The following FHIT variants were observed in gnomAD, a reference collection of about 807,000 sequenced individuals.
The protein encoded by FHIT is bis(5'-adenosyl)-triphosphatase.
In FHIT, 19 loss-of-function variants were observed where a neutral mutation model predicts 17.9. The observed-to-expected ratio is 1.06, with a 90% CI of 0.74 to 1.56. The LOEUF (loss-of-function observed/expected upper bound fraction) is 1.56. Ranked by LOEUF, FHIT falls within the 40% of genes most tolerant of loss-of-function variation. The pLI is 0.00. For missense variants in FHIT, 248 were observed against 189.2 expected (o/e 1.31, Z -1.82); for synonymous variants, 81 against 69.7 (o/e 1.16, Z -0.81).
chr3:61,178,665 TA>T (rs1351503932), intron 2 of FHIT, among the ~76,000 whole-genome samples: 1 of 151,980 alleles, frequency 6.6e-6, no homozygotes, highest in African/African-American at 2.4e-5. Flanking sequence ...TAGTCAATTA[TA>T]AAAAATTGTC....
At chr3:60,077,719 C>CATAT (rs1392081962) in intron 5 of FHIT, among the ~76,000 whole-genome samples, 36 of 102,686 alleles carry the variant, frequency 3.5e-4, no homozygotes, top group South Asian at 2.1e-3. Context: ...CACACACACA[C>CATAT]ACACACACAC....
chr3:60,289,984 T>C (rs1019068225), intron 5 of FHIT, among the ~76,000 whole-genome samples: 4 of 152,196 alleles, frequency 2.6e-5, no homozygotes, highest in African/African-American at 9.6e-5. Flanking sequence ...ATAGTTCATG[T>C]GTAATCATGT....
chr3:60,228,220 G>A (rs573992526), intron 5 of FHIT, among the ~76,000 whole-genome samples: 1 of 152,144 alleles, frequency 6.6e-6, no homozygotes, highest in African/African-American at 2.4e-5. Context: ...CTGACATACT[G>A]TATGATCCCA....
rs112123229 is a variant in FHIT, at chr3:60,151,016, A to G, written c.104-136864T>C. On this transcript the variant is annotated intron_variant, in intron 5 of 9. Coordinates refer to ENST00000492590, the MANE Select transcript of FHIT (RefSeq NM_002012.4). Reference sequence around the variant, plus strand: ...CCCCAACAAGTCATAATATGCTTATATGGCAATATCACATTGTTTGTGTGA... The same window carrying G: ...CCCCAACAAGTCATAATATGCTTATGTGGCAATATCACATTGTTTGTGTGA... 2.2e-3 allele frequency among the ~76,000 whole-genome samples: 328 copies of G among 152,312 alleles called. 2 individuals are homozygous for G. Among genetic ancestry groups the G allele is most frequent in the African/African-American group, 7.4e-3 (309 of 41,580 alleles).
chr3:60,314,762 G>C (rs967270867), intron 5 of FHIT, among the ~76,000 whole-genome samples: 2 of 152,092 alleles, frequency 1.3e-5, no homozygotes, highest in Non-Finnish European at 2.9e-5. Flanking sequence ...CCCTGAGTAA[G>C]GTGGGGCCAC....
At chr3:61,167,330 T>C (rs1313696300) in intron 2 of FHIT, among the ~76,000 whole-genome samples, 1 of 151,714 alleles carries the variant, frequency 6.6e-6, no homozygotes, top group African/African-American at 2.4e-5. Flanking sequence ...AAAACTTGCA[T>C]ATACAGACGT....
At chr3:60,892,914 G>A (rs1489415420) in intron 3 of FHIT, among the ~76,000 whole-genome samples, 1 of 152,166 alleles carries the variant, frequency 6.6e-6, no homozygotes. Context: ...TAACTGCATA[G>A]TGGAGTTACC....
intron 4 of FHIT, among the ~76,000 whole-genome samples, chr3:60,644,953 T>G (rs2039819152): frequency 6.6e-6 from 1 of 152,196 alleles, no homozygotes; most frequent in Admixed American, 6.5e-5. Context: ...TCTCTGGGCC[T>G]GGCAGATAGT....
intron 4 of FHIT, among the ~76,000 whole-genome samples, chr3:60,796,013 G>A (rs9849480): frequency 0.025 from 3,801 of 152,222 alleles, 159 homozygotes; most frequent in African/African-American, 0.085. Flanking sequence ...GGAGGTGAAA[G>A]GCACTTCTTA....
At chr3:60,004,358 C>A (rs1422783697) in intron 7 of FHIT, among the ~76,000 whole-genome samples, 1 of 152,108 alleles carries the variant, frequency 6.6e-6, no homozygotes, top group Non-Finnish European at 1.5e-5. Flanking sequence ...TGCTATATGT[C>A]AGGGCCTCTA....
intron 7 of FHIT, among the ~76,000 whole-genome samples, chr3:59,942,900 C>T (rs1231815143): frequency 2.0e-5 from 3 of 152,080 alleles, no homozygotes; most frequent in African/African-American, 4.8e-5. Context: ...CCTCCCACCT[C>T]GGCCTCCCAA....
rs548016868 is a variant in FHIT, at chr3:59,895,313, G to A, written c.348+27033C>T. Among the ~76,000 whole-genome samples the A allele has an allele frequency of 2.5e-3, 374 of 152,336 alleles. 4 individuals carry two copies. Among genetic ancestry groups the A allele is most frequent in the African/African-American group, 8.6e-3 (357 of 41,582 alleles). The stretch of plus-strand genomic sequence containing the variant: ...AAGTAGGAATCATTGTATCTTCAGT[G>A]CCTAGCACAGTTCCCAGTACTTAGC... On this transcript the variant is annotated intron_variant, in intron 8 of 9. Coordinates refer to ENST00000492590, the MANE Select transcript of FHIT (RefSeq NM_002012.4).
At chr3:60,276,645 G>C (rs1202232919) in intron 5 of FHIT, among the ~76,000 whole-genome samples, 1 of 152,212 alleles carries the variant, frequency 6.6e-6, no homozygotes, top group Non-Finnish European at 1.5e-5. Flanking sequence ...AGGAATACCT[G>C]AGACTGGGTA....
chr3:60,171,390 A>G (rs1701409995), intron 5 of FHIT, among the ~76,000 whole-genome samples: 1 of 152,156 alleles, frequency 6.6e-6, no homozygotes, highest in African/African-American at 2.4e-5. Context: ...CTCTTTGGCC[A>G]TATGATGTGG....
intron 5 of FHIT, among the ~76,000 whole-genome samples, chr3:60,117,209 C>T (rs1017930780): frequency 7.6e-6 from 1 of 131,018 alleles, no homozygotes; most frequent in African/African-American, 2.9e-5. Flanking sequence ...ATGATTATTT[C>T]TTCCCCGGCC....
intron 5 of FHIT, among the ~76,000 whole-genome samples, chr3:60,152,889 C>T (rs917966963): frequency 2.6e-5 from 4 of 152,064 alleles, no homozygotes; most frequent in Admixed American, 6.5e-5. Flanking sequence ...AAGTTGCTTA[C>T]GGTACAACCT....
chr3:60,767,261 T>C (rs1246317060), intron 4 of FHIT, among the ~76,000 whole-genome samples: 1 of 152,216 alleles, frequency 6.6e-6, no homozygotes, highest in African/African-American at 2.4e-5. Context: ...GAGATTATAT[T>C]TGTTTGCTCA....
At chr3:59,972,647 G>C (rs1334252355) in intron 7 of FHIT, among the ~76,000 whole-genome samples, 1 of 152,068 alleles carries the variant, frequency 6.6e-6, no homozygotes, top group Non-Finnish European at 1.5e-5. Context: ...CAAGTCCTAT[G>C]AGTTCACAGC....
chr3:60,293,745 C>G lies in FHIT; in HGVS notation c.103+243115G>C, dbSNP rs187328474. The stretch of plus-strand genomic sequence containing the variant: ...CAACAGTGCCCACTGGACAAAACCA[C>G]TTTAGATAAAGAGGAATGGCAAATT... On this transcript the variant is annotated intron_variant, in intron 5 of 9. Coordinates refer to ENST00000492590, the MANE Select transcript of FHIT (RefSeq NM_002012.4). Among the ~76,000 whole-genome samples, 14 of 152,228 alleles carry G rather than the reference C, an allele frequency of 9.2e-5. No individual in the cohort carries two copies. The East Asian group carries it at 2.7e-3, about 29-fold the overall frequency.
Sources: gnomAD v4.1 joint callset for allele counts (sites outside exome capture counted in the v4.1 genomes callset) on GRCh38, gnomAD v4.1.1 for gene constraint, MANE v1.5 for transcripts, NCBI Gene and HGNC (gene_info 2026-07-23, HGNC 2026-07-21) for gene names.